Variants in RYK observed in about 807,000 individuals in gnomAD.
RYK encodes the protein inactive tyrosine-protein kinase RYK.
Under a neutral mutation model 70.2 loss-of-function variants are expected in RYK, and 21 were observed. That is an observed-to-expected ratio of 0.30 (90% CI 0.21 to 0.43). RYK has a LOEUF of 0.43. RYK is among the 20% of genes least tolerant of loss of function. The probability of loss-of-function intolerance (pLI) is 1.00; values close to 1 mark genes in which losing one functional copy is unlikely to be tolerated. For synonymous variants in RYK, 267 were observed against 278.0 expected, an observed-to-expected ratio of 0.96 and a Z score of 0.39; for missense variants, 604 against 753.3, an observed-to-expected ratio of 0.80 and a Z score of 2.32.
chr3:134,214,805 G>C (rs1397117900), intron 2 of RYK, among the ~76,000 whole-genome samples: 2 of 152,036 alleles, frequency 1.3e-5, no homozygotes, highest in Non-Finnish European at 2.9e-5. Flanking sequence ...TAGTACAGAG[G>C]AACCCCATTT....
At position 134,195,264 on chromosome 3, in the gene RYK, T is replaced by A; in HGVS notation, c.789-82A>T. The A allele has an allele frequency of 6.3e-6, 6 of 951,140 alleles. No individual in the cohort carries two copies. The South Asian group carries it at 8.5e-5, about 14-fold the overall frequency. The allele number at this position is 951,140 out of a possible 1,614,324, so 58.9% of individuals were successfully genotyped here. ...TTTTTCCATACATACAAAATGCACA[T>A]AGCCATTAAAACCAGCCTAAAATCC... is the stretch of plus-strand genomic sequence containing the variant. On this transcript the variant is annotated intron_variant, in intron 6 of 14. Coordinates refer to ENST00000623711, the MANE Select transcript of RYK (RefSeq NM_002958.4).
intron 5 of RYK, 99 bp from the exon 6 acceptor site, chr3:134,202,973 C>T: frequency 1.1e-6 from 1 of 935,196 alleles, no homozygotes; most frequent in East Asian, 2.7e-5. Context: ...TTCATGTGCC[C>T]ATTCTTTGTA....
At chr3:134,181,782 A>G (rs2013303275) in intron 10 of RYK, 1 of 152,226 alleles carries the variant, frequency 6.6e-6, no homozygotes, top group South Asian at 2.1e-4. Flanking sequence ...ACTGTCACAC[A>G]TTATGATGTT....
In RYK at chr3:134,211,494, A is replaced by C. The variant is rs2014391063; in HGVS notation, c.454+14T>G. The C allele has an allele frequency of 6.3e-7, 1 of 1,582,150 alleles. No homozygotes were observed. Among genetic ancestry groups the C allele is most frequent in the Non-Finnish European group, 8.7e-7 (1 of 1,155,918 alleles). On this transcript the variant is annotated intron_variant, in intron 3 of 14. Transcript: ENST00000623711. ...AAAAGTATGTTAACTCTGTCTTTGA[A>C]GACTCTTACTTACCTGATAAAGTGC...
intron 9 of RYK, among the ~76,000 whole-genome samples, chr3:134,185,147 T>G (rs1299274624): frequency 2.3e-5 from 1 of 43,898 alleles, no homozygotes; most frequent in Admixed American, 1.8e-4. Flanking sequence ...ATTAATTAAT[T>G]AATTAAATAA....
chr3:134,219,998 G>T (rs566538004), intron 2 of RYK, among the ~76,000 whole-genome samples: 1 of 152,328 alleles, frequency 6.6e-6, no homozygotes, highest in Non-Finnish European at 1.5e-5. Flanking sequence ...GAGAAATCTG[G>T]TGACAAGAGT....
chr3:134,239,516 AACTTCC>A (rs1226027836), intron 1 of RYK, among the ~76,000 whole-genome samples: 4 of 152,130 alleles, frequency 2.6e-5, no homozygotes, highest in Non-Finnish European at 5.9e-5. Context: ...AACATATGTA[AACTTCC>A]ATTAGTAAGT....
At chr3:134,188,167 A>ATTTTTT (rs57894961) in intron 9 of RYK, among the ~76,000 whole-genome samples, 1 of 130,228 alleles carries the variant, frequency 7.7e-6, no homozygotes, top group Non-Finnish European at 1.6e-5. Context: ...ATATATATAT[A>ATTTTTT]TTTTTTTTTT....
At chr3:134,160,690 T>C (rs2012431783) in intron 13 of RYK, among the ~76,000 whole-genome samples, 1 of 152,162 alleles carries the variant, frequency 6.6e-6, no homozygotes, top group South Asian at 2.1e-4. Context: ...ACCCCATCTC[T>C]ACTAAAAATA....
intron 1 of RYK, among the ~76,000 whole-genome samples, chr3:134,238,765 T>C (rs1373738383): frequency 6.6e-6 from 1 of 152,150 alleles, no homozygotes; most frequent in Non-Finnish European, 1.5e-5. Flanking sequence ...AGTAGAATCA[T>C]GGAAAATACA....
chr3:134,170,233 T>C (rs915765725), intron 13 of RYK, among the ~76,000 whole-genome samples: 1 of 152,218 alleles, frequency 6.6e-6, no homozygotes, highest in Non-Finnish European at 1.5e-5. Flanking sequence ...ATGTGAGCAC[T>C]TTCTAGGAGT....
Position 134,250,453 on chromosome 3 carries a change from G to C in RYK, c.202C>G (p.Leu68Val). The C allele has an allele frequency of 1.4e-6, 2 of 1,403,504 alleles. No individual in the cohort carries two copies. Among genetic ancestry groups the C allele is most frequent in the Non-Finnish European group, 1.9e-6 (2 of 1,076,204 alleles). 86.9% of individuals were successfully genotyped at this position (1,403,504 alleles called of 1,614,324 possible). ...AGCCGGCGCACCTCGTCCTCGCTCA[G>C]GTAGAGACTCACGCTGGGCCCCGCG... ...ASAGPSVSLY[L>V]SEDEVRRLIG... The change falls in exon 1 of 15, where the codon CTG (leucine) becomes GTG (valine). Residue 68 changes from leucine to valine, a missense_variant. Transcript: ENST00000623711.
intron 2 of RYK, among the ~76,000 whole-genome samples, chr3:134,217,931 G>T (rs2014611073): frequency 6.6e-6 from 1 of 151,920 alleles, no homozygotes; most frequent in African/African-American, 2.4e-5. Flanking sequence ...CCTAGAATTG[G>T]GAACTGCAAT....
At chr3:134,233,711 C>T (rs2015126125) in intron 1 of RYK, among the ~76,000 whole-genome samples, 1 of 152,118 alleles carries the variant, frequency 6.6e-6, no homozygotes. Context: ...ATCTCTCTAA[C>T]ATATTAGGCT....
intron 1 of RYK, among the ~76,000 whole-genome samples, chr3:134,235,696 T>C (rs1052194997): frequency 3.9e-5 from 6 of 152,126 alleles, no homozygotes; most frequent in Non-Finnish European, 7.4e-5. Flanking sequence ...AGCAATCAAA[T>C]GCAGTCTGAA....
chr3:134,192,497 TACATA>T (rs1252835181), intron 7 of RYK, among the ~76,000 whole-genome samples: 1 of 149,340 alleles, frequency 6.7e-6, no homozygotes, highest in Non-Finnish European at 1.5e-5. Context: ...TCAAACAAAA[TACATA>T]ATCAATGTAA....
At chr3:134,176,654 G>A (rs933484458) in intron 11 of RYK, among the ~76,000 whole-genome samples, 4 of 152,286 alleles carry the variant, frequency 2.6e-5, no homozygotes, top group African/African-American at 9.6e-5. Flanking sequence ...GCTGAGGTGG[G>A]AGGATTGCTT....
At chr3:134,168,102 A>G (rs1404080160) in intron 13 of RYK, among the ~76,000 whole-genome samples, 2 of 152,258 alleles carry the variant, frequency 1.3e-5, no homozygotes, top group Non-Finnish European at 2.9e-5. Context: ...AATGGCAATC[A>G]TTAAAAAGTC....
intron 6 of RYK, among the ~76,000 whole-genome samples, chr3:134,199,243 C>T (rs887940783): frequency 6.6e-6 from 1 of 152,238 alleles, no homozygotes; most frequent in African/African-American, 2.4e-5. Context: ...CTGTTTATAA[C>T]AAGCAGTGGC....
Sources: allele counts gnomAD v4.1 joint callset (sites outside exome capture counted in the v4.1 genomes callset), GRCh38; gene constraint gnomAD v4.1.1; transcripts MANE v1.5; gene names NCBI Gene and HGNC (gene_info 2026-07-23, HGNC 2026-07-21).